Variants in NDUFS4 observed in about 807,000 individuals in gnomAD.
NDUFS4 encodes NADH dehydrogenase [ubiquinone] iron-sulfur protein 4, mitochondrial.
NDUFS4 carries 28 observed loss-of-function variants against 24.3 expected under a neutral mutation model. That is an observed-to-expected ratio of 1.15 (90% CI 0.85 to 1.58). The LOEUF is 1.58. NDUFS4 is among the 40% of genes most tolerant of loss of function. The pLI, the probability that NDUFS4 is intolerant of heterozygous loss-of-function variation, is 0.00. For synonymous variants in NDUFS4, 93 were observed against 69.7 expected (o/e 1.34, Z -1.67); for missense variants, 223 against 207.9 (o/e 1.07, Z -0.45).
At chr5:53,566,839 A>G (rs980559629) in intron 1 of NDUFS4, among the ~76,000 whole-genome samples, 1 of 144,380 alleles carries the variant, frequency 6.9e-6, no homozygotes, top group Non-Finnish European at 1.5e-5. Flanking sequence ...TTCCTCCCCC[A>G]CCGCCAAGTA....
intron 4 of NDUFS4, among the ~76,000 whole-genome samples, chr5:53,670,325 A>C (rs187482976): frequency 8.1e-4 from 123 of 152,214 alleles, no homozygotes; most frequent in Admixed American, 1.1e-3. Flanking sequence ...TACACTATCC[A>C]ATATGGTAGC....
intron 2 of NDUFS4, among the ~76,000 whole-genome samples, chr5:53,607,890 TG>T (rs1336369485): frequency 1.3e-5 from 2 of 152,204 alleles, no homozygotes; most frequent in Non-Finnish European, 2.9e-5. Flanking sequence ...TGCAAATGAG[TG>T]CCACTCTTCT....
At chr5:53,593,710 T>A (rs566903930) in intron 1 of NDUFS4, among the ~76,000 whole-genome samples, 1 of 152,014 alleles carries the variant, frequency 6.6e-6, no homozygotes, top group Non-Finnish European at 1.5e-5. Context: ...CTCTAAGCAC[T>A]GTTTTTGGTG....
At chr5:53,580,924 C>T (rs1749548023) in intron 1 of NDUFS4, among the ~76,000 whole-genome samples, 1 of 152,062 alleles carries the variant, frequency 6.6e-6, no homozygotes. Context: ...ACCTCTGCCT[C>T]CTGGGTTCAA....
rs576602316 is a variant in NDUFS4, at chr5:53,675,057, T to C, written c.425-8061T>C. On this transcript the variant is annotated intron_variant, in intron 4 of 4. Transcript: ENST00000296684. ...TAGCTTAAAATAATTTCTAGCACAC[T>C]GAAAAGATTAGAAGTTCCATTTTCT... Among the ~76,000 whole-genome samples, 7 of 152,058 alleles carry C rather than the reference T, an allele frequency of 4.6e-5. No homozygotes were observed. The South Asian group carries it at 1.5e-3, about 32-fold the overall frequency.
At chr5:53,644,385 C>A (rs1751788081) in intron 2 of NDUFS4, among the ~76,000 whole-genome samples, 1 of 151,950 alleles carries the variant, frequency 6.6e-6, no homozygotes, top group Non-Finnish European at 1.5e-5. Context: ...TTGTTTATAC[C>A]CAGCTTAAGC....
intron 2 of NDUFS4, among the ~76,000 whole-genome samples, chr5:53,637,809 T>C (rs902020640): frequency 6.6e-6 from 1 of 152,086 alleles, no homozygotes; most frequent in African/African-American, 2.4e-5. Context: ...TCTTATGCAG[T>C]CCAATGGTAT....
chr5:53,660,658 C>T (rs1177707536), intron 4 of NDUFS4, among the ~76,000 whole-genome samples: 2 of 152,064 alleles, frequency 1.3e-5, no homozygotes, highest in African/African-American at 2.4e-5. Flanking sequence ...CTCTCCAGCA[C>T]CTGTTGTTTC....
chr5:53,600,000 TTTA>T (rs1462945765), intron 1 of NDUFS4, among the ~76,000 whole-genome samples: 35 of 152,072 alleles, frequency 2.3e-4, no homozygotes, highest in African/African-American at 8.4e-4. Context: ...ATTTATTTAT[TTTA>T]TTATTATTTT....
intron 4 of NDUFS4, among the ~76,000 whole-genome samples, chr5:53,680,056 T>TAAAGA (rs1024257816): frequency 1.3e-5 from 2 of 152,166 alleles, no homozygotes; most frequent in East Asian, 3.9e-4. Flanking sequence ...GGGATATTTT[T>TAAAGA]AAAGAAATGC....
At chr5:53,610,288 G>A (rs1344717988) in intron 2 of NDUFS4, among the ~76,000 whole-genome samples, 2 of 152,150 alleles carry the variant, frequency 1.3e-5, no homozygotes, top group Non-Finnish European at 2.9e-5. Flanking sequence ...GAAATGGCTT[G>A]TCAGTGGAGG....
chr5:53,654,728 G>A (rs1752115562), intron 3 of NDUFS4, among the ~76,000 whole-genome samples: 1 of 151,996 alleles, frequency 6.6e-6, no homozygotes, highest in Admixed American at 6.6e-5. Context: ...GCCATTCAGA[G>A]GGCATCTAAT....
At chr5:53,563,449 C>T (rs1465364249) in intron 1 of NDUFS4, among the ~76,000 whole-genome samples, 1 of 151,236 alleles carries the variant, frequency 6.6e-6, no homozygotes. Context: ...CCATGTGCTT[C>T]TCATTTCCCT....
chr5:53,658,026 A>C (rs779718864), intron 3 of NDUFS4, among the ~76,000 whole-genome samples: 3 of 152,178 alleles, frequency 2.0e-5, no homozygotes, highest in Non-Finnish European at 4.4e-5. Context: ...TACATTGAAG[A>C]ATTCAATTGG....
chr5:53,671,847 A>C lies in NDUFS4; in HGVS notation c.425-11271A>C, dbSNP rs561619614. Among the ~76,000 whole-genome samples the C allele has an allele frequency of 1.3e-5, 2 of 152,252 alleles. 1 individual carries two copies. Among genetic ancestry groups the C allele is most frequent in the African/African-American group, 4.8e-5 (2 of 41,556 alleles). On this transcript the variant is annotated intron_variant, in intron 4 of 4. Transcript: ENST00000296684. ...TTTTCCCCCGTTTGATCTGATTTGA[A>C]AGTTTGTGACTTTTGTCTAGTATGT...
intron 2 of NDUFS4, among the ~76,000 whole-genome samples, chr5:53,633,405 T>G (rs530347712): frequency 6.6e-6 from 1 of 152,310 alleles, no homozygotes; most frequent in South Asian, 2.1e-4. Context: ...TACAACCTTA[T>G]GTGAGAGTTG....
intron 4 of NDUFS4, among the ~76,000 whole-genome samples, chr5:53,678,855 G>A (rs1171894952): frequency 6.6e-6 from 1 of 152,078 alleles, no homozygotes; most frequent in Non-Finnish European, 1.5e-5. Context: ...TTCAAGTGTT[G>A]TTATTCTTAG....
chr5:53,584,128 T>G (rs1158893765), intron 1 of NDUFS4, among the ~76,000 whole-genome samples: 1 of 152,220 alleles, frequency 6.6e-6, no homozygotes, highest in Non-Finnish European at 1.5e-5. Flanking sequence ...CATATGTACC[T>G]TTTTCATAGA....
intron 1 of NDUFS4, among the ~76,000 whole-genome samples, chr5:53,563,702 G>A (rs568114680): frequency 2.6e-5 from 4 of 151,912 alleles, no homozygotes; most frequent in Non-Finnish European, 5.9e-5. Context: ...GAGTTTCACC[G>A]TGTTAGCCAG....
Sources: gnomAD v4.1 joint callset for allele counts (sites outside exome capture counted in the v4.1 genomes callset) on GRCh38, gnomAD v4.1.1 for gene constraint, MANE v1.5 for transcripts, NCBI Gene and HGNC (gene_info 2026-07-23, HGNC 2026-07-21) for gene names.